The following LRRTM3 variants were observed in gnomAD, a reference collection of about 807,000 sequenced individuals.
LRRTM3 encodes the protein leucine rich repeat transmembrane neuronal 3.
In LRRTM3, 24 loss-of-function variants were observed where a neutral mutation model predicts 44.7. That is an observed-to-expected ratio of 0.54 (90% CI 0.39 to 0.76). LRRTM3 has a LOEUF of 0.76. Ranked by LOEUF, LRRTM3 falls within the 30% of genes least tolerant of loss-of-function variation. The probability of loss-of-function intolerance (pLI) is 0.00; values close to 1 mark genes in which losing one functional copy is unlikely to be tolerated. For synonymous variants in LRRTM3, 277 were observed against 278.7 expected, an observed-to-expected ratio of 0.99 and a Z score of 0.06; for missense variants, 587 against 702.2, an observed-to-expected ratio of 0.84 and a Z score of 1.85.
intron 2 of LRRTM3, among the ~76,000 whole-genome samples, chr10:66,974,691 T>A (rs188434794): frequency 6.6e-6 from 1 of 152,298 alleles, no homozygotes; most frequent in East Asian, 1.9e-4. Flanking sequence ...GACTTTTTGT[T>A]TTTGTTTTGT....
At chr10:67,070,582 A>G (rs1425739047) in intron 2 of LRRTM3, among the ~76,000 whole-genome samples, 1 of 151,980 alleles carries the variant, frequency 6.6e-6, no homozygotes, top group Non-Finnish European at 1.5e-5. Flanking sequence ...CCCCATCTCT[A>G]GTAAAATACA....
At chr10:67,017,728 TG>T (rs1299756606) in intron 2 of LRRTM3, among the ~76,000 whole-genome samples, 2 of 97,808 alleles carry the variant, frequency 2.0e-5, no homozygotes, top group African/African-American at 9.3e-5. Context: ...AAATCATCTG[TG>T]TGTGTGTGTG....
chr10:66,976,163 A>T (rs1159489196), intron 2 of LRRTM3, among the ~76,000 whole-genome samples: 2 of 152,204 alleles, frequency 1.3e-5, no homozygotes, highest in African/African-American at 4.8e-5. Flanking sequence ...TGTGAGAAGG[A>T]CTTTAAAAAT....
chr10:67,050,738 G>A (rs772153917), intron 2 of LRRTM3, among the ~76,000 whole-genome samples: 2 of 152,122 alleles, frequency 1.3e-5, no homozygotes, highest in South Asian at 2.1e-4. Flanking sequence ...ATGACCACTC[G>A]CATCAAATTA....
chr10:67,082,124 G>C (rs891994276), intron 2 of LRRTM3, among the ~76,000 whole-genome samples: 1 of 152,156 alleles, frequency 6.6e-6, no homozygotes, highest in African/African-American at 2.4e-5. Context: ...CAATGCTATA[G>C]AGAGGATTTT....
chr10:67,053,044 T>C (rs748603605), intron 2 of LRRTM3, among the ~76,000 whole-genome samples: 81 of 152,290 alleles, frequency 5.3e-4, no homozygotes, highest in Middle Eastern at 6.8e-3. Flanking sequence ...ATTTAGTCTA[T>C]AACACATACA....
rs530039842 is a variant in LRRTM3 at position 66,933,337 on chromosome 10, G to A, written c.1536+4885G>A. On this transcript the variant is annotated intron_variant, in intron 2 of 2. Transcript: ENST00000361320. The stretch of plus-strand genomic sequence containing the variant: ...AATGTACAACAGACATAAAGACACC[G>A]ACCAGCGAACACTAAAACAAATAAT... Among the ~76,000 whole-genome samples, 18 of 152,234 alleles carry A rather than the reference G, an allele frequency of 1.2e-4. No individual in the cohort carries two copies. The East Asian group carries it at 2.3e-3, about 20-fold the overall frequency.
intron 2 of LRRTM3, among the ~76,000 whole-genome samples, chr10:67,071,896 C>A (rs1454197036): frequency 6.6e-6 from 1 of 152,088 alleles, no homozygotes; most frequent in Non-Finnish European, 1.5e-5. Flanking sequence ...CTCTTAATTT[C>A]AGATAGAGGT....
At chr10:66,974,804 G>GTT (rs995518438) in intron 2 of LRRTM3, among the ~76,000 whole-genome samples, 3 of 140,172 alleles carry the variant, frequency 2.1e-5, no homozygotes, top group Admixed American at 7.1e-5. Flanking sequence ...CCAACCATTT[G>GTT]TTTTTTTTTT....
chr10:66,954,487 G>A lies in LRRTM3; in HGVS notation c.1536+26035G>A, dbSNP rs182669003. Among the ~76,000 whole-genome samples, 4 of 152,084 alleles carry A rather than the reference G, an allele frequency of 2.6e-5. No homozygotes were observed. The East Asian group carries it at 7.7e-4, about 29-fold the overall frequency. Reference sequence around the variant, plus strand: ...CAGGAGAGCATGTTGTGCACTACACGGTCCCGCAATGGATTACAATATTAA... The same window carrying A: ...CAGGAGAGCATGTTGTGCACTACACAGTCCCGCAATGGATTACAATATTAA... On this transcript the variant is annotated intron_variant, in intron 2 of 2. Coordinates refer to ENST00000361320, the MANE Select transcript of LRRTM3 (RefSeq NM_178011.5).
chr10:67,050,500 C>T (rs1398778139), intron 2 of LRRTM3, among the ~76,000 whole-genome samples: 2 of 152,164 alleles, frequency 1.3e-5, no homozygotes, highest in Non-Finnish European at 2.9e-5. Context: ...GGAGCTTAAA[C>T]AGCAGGCTCT....
In LRRTM3 at chr10:67,013,398, T is replaced by C. The variant is rs545608442; in HGVS notation, c.1537-84189T>C. Among the ~76,000 whole-genome samples, 11 of 151,834 alleles carry C rather than the reference T, an allele frequency of 7.2e-5. No homozygotes were observed. In the South Asian group the frequency reaches 2.1e-3, roughly 29 times the overall value. ...TTGTTAAAACTAAAAAAATTAATAATAACTTCAAACAATCATTGTTATCAT... is the reference window on the plus strand; with the variant it reads ...TTGTTAAAACTAAAAAAATTAATAACAACTTCAAACAATCATTGTTATCAT... On this transcript the variant is annotated intron_variant, in intron 2 of 2. Coordinates refer to ENST00000361320, the MANE Select transcript of LRRTM3 (RefSeq NM_178011.5).
rs547381992 is a variant in LRRTM3 at position 66,990,175 on chromosome 10, T to C, written c.1536+61723T>C. Among the ~76,000 whole-genome samples the C allele has an allele frequency of 1.1e-4, 16 of 152,290 alleles. No individual in the cohort carries two copies. In the South Asian group the frequency reaches 2.1e-3, roughly 20 times the overall value. ...ATTCCTTCTCTTGCTCAGTTGAATC[T>C]GCTTCATGAACCAAGTCAGGTTCTC... On this transcript the variant is annotated intron_variant, in intron 2 of 2. Coordinates refer to ENST00000361320, the MANE Select transcript of LRRTM3 (RefSeq NM_178011.5).
At chr10:66,935,355 T>C (rs1033112661) in intron 2 of LRRTM3, among the ~76,000 whole-genome samples, 7 of 152,094 alleles carry the variant, frequency 4.6e-5, no homozygotes, top group African/African-American at 1.7e-4. Context: ...AAGTTTACCA[T>C]AGTGAAAACT....
intron 2 of LRRTM3, among the ~76,000 whole-genome samples, chr10:66,944,899 G>T (rs1463942199): frequency 6.6e-6 from 1 of 152,082 alleles, no homozygotes; most frequent in Non-Finnish European, 1.5e-5. Flanking sequence ...TCTTTTTTTA[G>T]CACTAGGACT....
Position 67,100,607 on chromosome 10 carries a change from C to G in LRRTM3, c.*2811C>G, listed in dbSNP as rs915463633. ...GTCTCCCTTCCTGTCTATTCCTCAC[C>G]GATTTAAACAACTGAAATGTTTACT... On this transcript the variant is annotated 3_prime_UTR_variant, in exon 3 of 3. Coordinates refer to ENST00000361320, the MANE Select transcript of LRRTM3 (RefSeq NM_178011.5). 4.6e-5 allele frequency among the ~76,000 whole-genome samples: 7 copies of G among 151,584 alleles called. No individual in the cohort carries two copies. The highest frequency in any genetic ancestry group is 1.3e-4 in the Admixed American group (2 of 15,132).
At chr10:67,064,500 T>C (rs1855953626) in intron 2 of LRRTM3, among the ~76,000 whole-genome samples, 1 of 152,212 alleles carries the variant, frequency 6.6e-6, no homozygotes, top group African/African-American at 2.4e-5. Context: ...TTTTACATCA[T>C]CTATAGACAC....
At chr10:66,965,556 A>G (rs936655943) in intron 2 of LRRTM3, among the ~76,000 whole-genome samples, 29 of 77,542 alleles carry the variant, frequency 3.7e-4, no homozygotes, top group African/African-American at 1.1e-3. Context: ...AAAGAAAAAA[A>G]AAAAAGCTGT....
chr10:67,079,793 A>G, intron 2 of LRRTM3, among the ~76,000 whole-genome samples: 1 of 151,838 alleles, frequency 6.6e-6, no homozygotes, highest in East Asian at 1.9e-4. Context: ...TGTTGCAGTG[A>G]GCTGAGATTG....
Sources: gnomAD v4.1 joint callset for allele counts (sites outside exome capture counted in the v4.1 genomes callset) on GRCh38, gnomAD v4.1.1 for gene constraint, MANE v1.5 for transcripts, NCBI Gene and HGNC (gene_info 2026-07-23, HGNC 2026-07-21) for gene names.